ABI2: variants seen among roughly 807,000 people sequenced by gnomAD.
ABI2 encodes abl interactor 2.
In ABI2, 25 loss-of-function variants were observed where a neutral mutation model predicts 59.2. The ratio of observed to expected loss-of-function variants is 0.42; its 90% CI spans 0.31 to 0.59. ABI2 has a LOEUF of 0.59. Ranked by LOEUF, ABI2 falls within the 20% of genes least tolerant of loss-of-function variation. The pLI, the probability that ABI2 is intolerant of heterozygous loss-of-function variation, is 0.14. For missense variants in ABI2, 545 were observed against 681.8 expected, an observed-to-expected ratio of 0.80 and a Z score of 2.23; for synonymous variants, 213 against 235.5, an observed-to-expected ratio of 0.90 and a Z score of 0.87.
rs2098485566 is a variant in ABI2 at position 203,431,766 on chromosome 2, T to TAA, written c.*4415_*4416dup. 1 of 151,782 alleles carries TAA rather than the reference T, an allele frequency of 6.6e-6. No homozygotes were observed. Among genetic ancestry groups the TAA allele is most frequent in the African/African-American group, 2.4e-5 (1 of 41,380 alleles). The allele number at this position is 151,782 out of a possible 1,614,324, so 9.4% of individuals were successfully genotyped here. A position where few individuals can be genotyped will look rare whatever the true frequency, so the allele number is the denominator to read the frequency against. ...TATAAATGATCCTTGCTGAATATCT[T>TAA]AAGGTTTTTTGTAAGAAAAAAGAAA... On this transcript the variant is annotated 3_prime_UTR_variant, in exon 12 of 12. Coordinates refer to ENST00000261018, the MANE Select transcript of ABI2 (RefSeq NM_001375670.1).
At chr2:203,410,996 G>A (rs1348627638) in intron 9 of ABI2, among the ~76,000 whole-genome samples, 3 of 147,334 alleles carry the variant, frequency 2.0e-5, no homozygotes, top group African/African-American at 7.7e-5. Flanking sequence ...TATAAAAATG[G>A]GATTATGTTT....
At chr2:203,369,913 AT>A (rs11325262) in intron 2 of ABI2, among the ~76,000 whole-genome samples, 150,748 of 151,002 alleles carry the variant, frequency 1, 75,247 homozygotes, top group East Asian at 1. Flanking sequence ...AAGGATTGAA[AT>A]TTTTTTTTTT....
intron 1 of ABI2, among the ~76,000 whole-genome samples, chr2:203,362,753 C>T (rs1039128809): frequency 1.3e-5 from 2 of 151,776 alleles, no homozygotes; most frequent in Non-Finnish European, 2.9e-5. Context: ...TCTTGAACTC[C>T]TGACCTCAGG....
chr2:203,341,934 T>C (rs1559161730), intron 1 of ABI2, among the ~76,000 whole-genome samples: 1 of 152,226 alleles, frequency 6.6e-6, no homozygotes, highest in Non-Finnish European at 1.5e-5. Flanking sequence ...GCTCATCAAA[T>C]GTCTGAACTG....
At chr2:203,353,317 C>T (rs925432427) in intron 1 of ABI2, among the ~76,000 whole-genome samples, 1 of 152,138 alleles carries the variant, frequency 6.6e-6, no homozygotes, top group Non-Finnish European at 1.5e-5. Flanking sequence ...CCACTAGCTA[C>T]CATTCAAGCG....
rs2097668339 is a variant in ABI2, at chr2:203,411,380, A to C, written c.1279+9A>C. 2 of 1,602,802 alleles carry C rather than the reference A, an allele frequency of 1.2e-6. No individual in the cohort carries two copies. The highest frequency in any genetic ancestry group is 2.2e-5 in the East Asian group (1 of 44,762). Reference sequence around the variant, plus strand: ...CAGAGTCCAAGAAAATAGTAAGTTTATGTCTTCTTTATGCTGTAGATCAGA... The same window carrying C: ...CAGAGTCCAAGAAAATAGTAAGTTTCTGTCTTCTTTATGCTGTAGATCAGA... On this transcript the variant is annotated intron_variant, in intron 10 of 11. Coordinates refer to ENST00000261018, the MANE Select transcript of ABI2 (RefSeq NM_001375670.1).
intron 2 of ABI2, among the ~76,000 whole-genome samples, chr2:203,374,660 CTGTT>C (rs979019994): frequency 7.2e-5 from 11 of 151,770 alleles, no homozygotes; most frequent in African/African-American, 2.4e-4. Context: ...GAAAATTACT[CTGTT>C]AGTAACTAAT....
intron 8 of ABI2, among the ~76,000 whole-genome samples, chr2:203,401,319 T>C (rs1316844656): frequency 6.6e-6 from 1 of 152,026 alleles, no homozygotes; most frequent in Non-Finnish European, 1.5e-5. Context: ...TCCTGTCCCC[T>C]TTCCGCTTTC....
At chr2:203,418,089 A>C (rs979400513) in intron 11 of ABI2, among the ~76,000 whole-genome samples, 3 of 152,222 alleles carry the variant, frequency 2.0e-5, no homozygotes, top group Non-Finnish European at 4.4e-5. Flanking sequence ...CAGAGAAGAA[A>C]GTGGAAAAAA....
At chr2:203,379,757 T>C (rs1336865357) in intron 2 of ABI2, among the ~76,000 whole-genome samples, 1 of 152,204 alleles carries the variant, frequency 6.6e-6, no homozygotes, top group African/African-American at 2.4e-5. Context: ...CCAGCTAATA[T>C]ATACTTCAGT....
chr2:203,385,152 T>TTTTTTTTTA (rs71007511), intron 4 of ABI2, among the ~76,000 whole-genome samples: 1 of 51,840 alleles, frequency 1.9e-5, no homozygotes, highest in Admixed American at 2.2e-4. Flanking sequence ...TTTTTTTTTT[T>TTTTTTTTTA]GAGACAGTCT....
intron 10 of ABI2, among the ~76,000 whole-genome samples, chr2:203,413,464 CATT>C (rs1367577038): frequency 9.2e-5 from 14 of 152,172 alleles, no homozygotes; most frequent in African/African-American, 1.2e-4. Flanking sequence ...GACTGCAAAA[CATT>C]ATTATAGCAG....
chr2:203,338,326 T>C (rs2077391740), intron 1 of ABI2, among the ~76,000 whole-genome samples: 1 of 152,134 alleles, frequency 6.6e-6, no homozygotes, highest in African/African-American at 2.4e-5. Context: ...GGTCAGATGT[T>C]TGTTCCCTTC....
chr2:203,363,050 T>C (rs987577047), intron 1 of ABI2, among the ~76,000 whole-genome samples: 3 of 152,122 alleles, frequency 2.0e-5, no homozygotes, highest in African/African-American at 7.2e-5. Flanking sequence ...AGGCTGGTCT[T>C]GAACTCCTGG....
intron 11 of ABI2, among the ~76,000 whole-genome samples, chr2:203,424,199 T>C (rs201487046): frequency 6.6e-6 from 1 of 152,224 alleles, no homozygotes; most frequent in East Asian, 1.9e-4. Context: ...TTTTGAATAT[T>C]GGTGAAAACA....
At chr2:203,356,689 G>T (rs995413560) in intron 1 of ABI2, among the ~76,000 whole-genome samples, 1 of 151,910 alleles carries the variant, frequency 6.6e-6, no homozygotes, top group African/African-American at 2.4e-5. Context: ...AATTTTTTGT[G>T]GAGATGATGT....
chr2:203,358,272 G>A (rs2092712176), intron 1 of ABI2, among the ~76,000 whole-genome samples: 1 of 152,080 alleles, frequency 6.6e-6, no homozygotes, highest in South Asian at 2.1e-4. Context: ...TGGGACTACA[G>A]GTGTATGCCA....
At chr2:203,385,495 CT>C (rs1559294350) in intron 4 of ABI2, among the ~76,000 whole-genome samples, 1 of 152,150 alleles carries the variant, frequency 6.6e-6, no homozygotes, top group Non-Finnish European at 1.5e-5. Flanking sequence ...GAATATAATA[CT>C]TTTAAAAATT....
chr2:203,370,178 TTC>T (rs1318778011), intron 2 of ABI2, among the ~76,000 whole-genome samples: 60 of 143,012 alleles, frequency 4.2e-4, no homozygotes, highest in African/African-American at 1.5e-3. Flanking sequence ...TATGGTGTCA[TTC>T]TCCTATTCTC....
Sources: gnomAD v4.1 joint callset for allele counts (sites outside exome capture counted in the v4.1 genomes callset) on GRCh38, gnomAD v4.1.1 for gene constraint, MANE v1.5 for transcripts, NCBI Gene and HGNC (gene_info 2026-07-23, HGNC 2026-07-21) for gene names.